TMEM74: variants seen among roughly 807,000 people sequenced by gnomAD.
TMEM74 encodes transmembrane protein 74.
A neutral mutation model predicts 18.1 loss-of-function variants in TMEM74; 13 were observed. That is an observed-to-expected ratio of 0.72 (90% confidence interval 0.47 to 1.14). The LOEUF (loss-of-function observed/expected upper bound fraction) is 1.14, where lower values mean the gene tolerates loss of function less well. Among genes scored for constraint, TMEM74 ranks in the 50% most tolerant of loss-of-function variants. The pLI, the probability that TMEM74 is intolerant of heterozygous loss-of-function variation, is 0.00. For synonymous variants in TMEM74, 159 were observed against 146.6 expected (o/e 1.08, Z -0.61); for missense variants, 372 against 375.9 (o/e 0.99, Z 0.09).
chr8:108,682,273 T>G (rs991956359), intron 1 of TMEM74, among the ~76,000 whole-genome samples: 1 of 152,102 alleles, frequency 6.6e-6, no homozygotes, highest in Non-Finnish European at 1.5e-5. Flanking sequence ...CATATGCTAT[T>G]CTCTTCACCC....
At chr8:108,671,383 GC>G (rs35691605) in intron 1 of TMEM74, among the ~76,000 whole-genome samples, 1 of 152,148 alleles carries the variant, frequency 6.6e-6, no homozygotes, top group African/African-American at 2.4e-5. Context: ...AGGTTAGAAG[GC>G]CCCCTGGGGC....
At chr8:108,650,382 T>C (rs1225694472) in intron 2 of TMEM74, among the ~76,000 whole-genome samples, 1 of 152,344 alleles carries the variant, frequency 6.6e-6, no homozygotes, top group Non-Finnish European at 1.5e-5. Flanking sequence ...CTGCTAAAAA[T>C]GTAAATCAGA....
intron 1 of TMEM74, among the ~76,000 whole-genome samples, chr8:108,691,819 T>A (rs1321226150): frequency 3.3e-5 from 5 of 152,172 alleles, no homozygotes; most frequent in African/African-American, 1.2e-4. Flanking sequence ...CATTCCAATA[T>A]ATATATGGAA....
At chr8:108,687,851 C>G (rs1813186876) in intron 1 of TMEM74, among the ~76,000 whole-genome samples, 1 of 151,076 alleles carries the variant, frequency 6.6e-6, no homozygotes, top group South Asian at 2.1e-4. Flanking sequence ...GCTCACCCAC[C>G]ACTCACCTCC....
At chr8:108,644,626 C>T (rs1188858794) in intron 2 of TMEM74, among the ~76,000 whole-genome samples, 1 of 150,218 alleles carries the variant, frequency 6.7e-6, no homozygotes, top group Non-Finnish European at 1.5e-5. Flanking sequence ...AATATCTAGA[C>T]TTTATAAAGA....
downstream of TMEM74, among the ~76,000 whole-genome samples, chr8:108,778,130 CAT>C (rs1056660193): frequency 2.0e-5 from 3 of 152,116 alleles, no homozygotes; most frequent in Non-Finnish European, 4.4e-5. Flanking sequence ...TTCATTGATA[CAT>C]ACTCTGCTTG....
At chr8:108,660,553 T>A (rs1389344083) in intron 1 of TMEM74, among the ~76,000 whole-genome samples, 2 of 152,232 alleles carry the variant, frequency 1.3e-5, no homozygotes, top group African/African-American at 4.8e-5. Flanking sequence ...AAACTCTGTA[T>A]GCATTTGGGT....
intron 1 of TMEM74, among the ~76,000 whole-genome samples, chr8:108,699,605 C>T (rs1813315946): frequency 1.3e-5 from 2 of 152,238 alleles, no homozygotes; most frequent in East Asian, 1.9e-4. Flanking sequence ...ACTGGGCCTC[C>T]TGTTCTACTG....
chr8:108,766,666 A>G (rs1349636476), intron 1 of TMEM74, among the ~76,000 whole-genome samples: 1 of 151,210 alleles, frequency 6.6e-6, no homozygotes, highest in Non-Finnish European at 1.5e-5. Flanking sequence ...GGAGTTTATT[A>G]AGGAAAATGG....
chr8:108,760,929 G>A (rs982490294), intron 1 of TMEM74, among the ~76,000 whole-genome samples: 1 of 151,776 alleles, frequency 6.6e-6, no homozygotes, highest in Non-Finnish European at 1.5e-5. Context: ...TCCTCTAATT[G>A]CAGTGTTCTC....
At chr8:108,657,842 CAAAAAAAAAA>C (rs1157229913) in intron 1 of TMEM74, among the ~76,000 whole-genome samples, 14 of 16,674 alleles carry the variant, frequency 8.4e-4, no homozygotes, top group South Asian at 3.6e-3. Flanking sequence ...GACACCGTCT[CAAAAAAAAAA>C]AAAAAAAATA....
At chr8:108,761,191 T>C (rs886706409) in intron 1 of TMEM74, among the ~76,000 whole-genome samples, 3 of 152,032 alleles carry the variant, frequency 2.0e-5, no homozygotes, top group African/African-American at 7.2e-5. Context: ...TACACTATAG[T>C]GGTTAGAAGC....
chr8:108,657,862 AT>A lies in TMEM74; in HGVS notation n.120-2426del, dbSNP rs1563742263. The stretch of plus-strand genomic sequence containing the variant: ...CGTCTCAAAAAAAAAAAAAAAAAAT[AT>A]ATATATATATATATATATATATATA... On this transcript the variant is annotated intron_variant and non_coding_transcript_variant, in intron 1 of 3. Transcript: ENST00000518838. Among the ~76,000 whole-genome samples the A allele has an allele frequency of 7.3e-3, 352 of 48,378 alleles. 2 individuals carry two copies. The highest frequency in any genetic ancestry group is 0.015 in the Middle Eastern group (1 of 66). The allele number at this position is 48,378 out of a possible 152,430, so 31.7% of individuals were successfully genotyped here. A position where few individuals can be genotyped will look rare whatever the true frequency, so the allele number is the denominator to read the frequency against.
At chr8:108,785,213 T>G (rs1344271835) in intron 1 of TMEM74, 76 bp from the exon 2 acceptor site, 1 of 1,126,156 alleles carries the variant, frequency 8.9e-7, no homozygotes, top group African/African-American at 1.6e-5. Context: ...GCTCCTGGGG[T>G]CCCCATTTCC....
At chr8:108,640,069 T>C (rs1202162361) in intron 2 of TMEM74, among the ~76,000 whole-genome samples, 1 of 150,360 alleles carries the variant, frequency 6.7e-6, no homozygotes, top group Non-Finnish European at 1.5e-5. Context: ...ACCCCCTCCA[T>C]ACTCTCAAAA....
chr8:108,672,887 G>A (rs1462765815), intron 1 of TMEM74, among the ~76,000 whole-genome samples: 1 of 152,166 alleles, frequency 6.6e-6, no homozygotes, highest in Non-Finnish European at 1.5e-5. Flanking sequence ...GAGCAGGATG[G>A]GAATGGGTTT....
intron 1 of TMEM74, among the ~76,000 whole-genome samples, chr8:108,684,220 A>C (rs983824773): frequency 6.6e-6 from 1 of 152,082 alleles, no homozygotes; most frequent in African/African-American, 2.4e-5. Context: ...ATTCCCACCA[A>C]CAGTGTAGAG....
intron 1 of TMEM74, among the ~76,000 whole-genome samples, chr8:108,677,136 T>G (rs902840402): frequency 6.6e-6 from 1 of 152,224 alleles, no homozygotes; most frequent in Admixed American, 6.5e-5. Context: ...ATAGGAATTT[T>G]ACTTAAATAA....
chr8:108,773,236 A>T (rs1390320145), intron 1 of TMEM74, among the ~76,000 whole-genome samples: 2 of 152,120 alleles, frequency 1.3e-5, no homozygotes, highest in African/African-American at 4.8e-5. Context: ...CCTTCCATTT[A>T]GCTTGAGAGC....
Sources: gnomAD v4.1 joint callset for allele counts (sites outside exome capture counted in the v4.1 genomes callset) on GRCh38, gnomAD v4.1.1 for gene constraint, MANE v1.5 for transcripts, NCBI Gene and HGNC (gene_info 2026-07-23, HGNC 2026-07-21) for gene names.